Variants in RYR3 observed in about 807,000 individuals in gnomAD.
RYR3 encodes the protein ryanodine receptor 3.
RYR3 carries 207 observed loss-of-function variants against 584.3 expected under a neutral mutation model. The ratio of observed to expected loss-of-function variants is 0.35; its 90% CI spans 0.32 to 0.40. The LOEUF is 0.40. Ranked by LOEUF, RYR3 falls within the 10% of genes least tolerant of loss-of-function variation. RYR3 has a pLI of 1.00. For synonymous variants in RYR3, 2,416 were observed against 2,248.5 expected (o/e 1.07, Z -2.11); for missense variants, 5,616 against 6,089.2 (o/e 0.92, Z 2.59).
At chr15:33,637,275 T>A (rs2061547384) in intron 27 of RYR3, among the ~76,000 whole-genome samples, 1 of 152,248 alleles carries the variant, frequency 6.6e-6, no homozygotes, top group African/African-American at 2.4e-5. Context: ...AGTATCTGTT[T>A]GACCTCTCTG....
chr15:33,731,736 A>G (rs778218921), intron 48 of RYR3, 42 bp downstream of exon 48: 1 of 1,317,724 alleles, frequency 7.6e-7, no homozygotes, highest in Non-Finnish European at 1.1e-6. Context: ...GTATGCATCC[A>G]GGTCAACTGC....
At chr15:33,538,819 A>C (rs1282389256) in intron 5 of RYR3, among the ~76,000 whole-genome samples, 1 of 152,082 alleles carries the variant, frequency 6.6e-6, no homozygotes, top group African/African-American at 2.4e-5. Context: ...AAAAGCTTCC[A>C]CCTGCTTTCC....
chr15:33,862,137 G>GA (rs1397874351), intron 102 of RYR3, among the ~76,000 whole-genome samples: 8 of 151,948 alleles, frequency 5.3e-5, no homozygotes, highest in African/African-American at 1.7e-4. Flanking sequence ...TCATTTACAA[G>GA]AAAAAAAATA....
At chr15:33,486,906 G>A (rs75144003) in intron 2 of RYR3, among the ~76,000 whole-genome samples, 3,261 of 152,138 alleles carry the variant, frequency 0.021, 56 homozygotes, top group Non-Finnish European at 0.027. Flanking sequence ...GGAGAACTTT[G>A]GGATGGATGG....
intron 14 of RYR3, among the ~76,000 whole-genome samples, chr15:33,582,456 A>G (rs553411941): frequency 2.0e-5 from 3 of 152,330 alleles, no homozygotes; most frequent in Non-Finnish European, 4.4e-5. Flanking sequence ...ATCAATTGCC[A>G]CTGTATGACC....
chr15:33,413,455 A>G (rs2043555231), intron 1 of RYR3, among the ~76,000 whole-genome samples: 1 of 152,390 alleles, frequency 6.6e-6, no homozygotes, highest in South Asian at 2.1e-4. Context: ...CAGTCCAGTC[A>G]TTGCCACTGA....
intron 38 of RYR3, among the ~76,000 whole-genome samples, chr15:33,671,020 G>T (rs190457759): frequency 8.9e-4 from 135 of 152,154 alleles, no homozygotes; most frequent in Middle Eastern, 3.4e-3. Context: ...GGTTGTTTTT[G>T]GATTTGGGGT....
At chr15:33,718,051 C>G (rs144614488) in intron 43 of RYR3, among the ~76,000 whole-genome samples, 1 of 152,276 alleles carries the variant, frequency 6.6e-6, no homozygotes, top group African/African-American at 2.4e-5. Context: ...TGGCATTTAG[C>G]AAATAGAGGT....
rs188699527 is a variant in RYR3 at position 33,488,036 on chromosome 15, T to C, written c.171+14498T>C. On this transcript the variant is annotated intron_variant, in intron 2 of 103. Coordinates refer to ENST00000634891, the MANE Select transcript of RYR3 (RefSeq NM_001036.6). Reference sequence around the variant, plus strand: ...ATGTATTTGTCATTTGTTGAACCCATAGTAGAAAAGAAAAAAACATCCACC... The same window carrying C: ...ATGTATTTGTCATTTGTTGAACCCACAGTAGAAAAGAAAAAAACATCCACC... Among the ~76,000 whole-genome samples, 1,169 of 152,318 alleles carry C rather than the reference T, an allele frequency of 7.7e-3. 22 individuals carry two copies. The highest frequency in any genetic ancestry group is 0.027 in the African/African-American group (1,109 of 41,572).
At chr15:33,630,146 A>T (rs1006941235) in intron 22 of RYR3, 103 bp downstream of exon 22, 2 of 627,616 alleles carry the variant, frequency 3.2e-6, no homozygotes, top group East Asian at 5.6e-5. Context: ...AACGTGGCAC[A>T]TTCTGATAAA....
chr15:33,420,775 C>T (rs1724365317), intron 1 of RYR3, among the ~76,000 whole-genome samples: 1 of 152,026 alleles, frequency 6.6e-6, no homozygotes, highest in African/African-American at 2.4e-5. Flanking sequence ...TCTGATAAGG[C>T]CCCTTGATGA....
chr15:33,757,367 G>T (rs1370037563), intron 59 of RYR3, 108 bp from the exon 60 acceptor site: 2 of 1,231,814 alleles, frequency 1.6e-6, no homozygotes, highest in South Asian at 1.4e-5. Context: ...GAAATTACAG[G>T]ACCAGGGTTC....
rs374578994 is a variant in RYR3, at chr15:33,724,071, G to A, written c.6807G>A (p.Thr2269=). 42 of 1,598,488 alleles carry A rather than the reference G, an allele frequency of 2.6e-5. No homozygotes were observed. Among genetic ancestry groups the A allele is most frequent in the African/African-American group, 1.3e-4 (10 of 74,650 alleles). ...CCTCTGTTGGTTCTCTCAGCAGCACGGGGGACGATGAAGAGGAAGAAGAAA... is the reference window on the plus strand; with the variant it reads ...CCTCTGTTGGTTCTCTCAGCAGCACAGGGGACGATGAAGAGGAAGAAGAAA... The part of the protein sequence containing the change: ...PSQGYKREVS[T]GDDEEEEEIV... The change falls in exon 45 of 104, where the codon ACG becomes ACA. Residue 2269 remains threonine (T), a synonymous_variant. Coordinates refer to ENST00000634891, the MANE Select transcript of RYR3 (RefSeq NM_001036.6).
intron 8 of RYR3, among the ~76,000 whole-genome samples, chr15:33,545,950 T>A (rs531331687): frequency 6.6e-6 from 1 of 152,200 alleles, no homozygotes; most frequent in African/African-American, 2.4e-5. Flanking sequence ...TGAGCTCTGA[T>A]CCTTGGCTTT....
intron 11 of RYR3, among the ~76,000 whole-genome samples, chr15:33,564,256 G>A (rs184802195): frequency 2.0e-5 from 3 of 152,266 alleles, no homozygotes; most frequent in African/African-American, 4.8e-5. Flanking sequence ...TCTACATGCC[G>A]TTTCCTCTAG....
At chr15:33,661,767 A>AT (rs973718966) in intron 34 of RYR3, among the ~76,000 whole-genome samples, 4 of 152,208 alleles carry the variant, frequency 2.6e-5, no homozygotes, top group African/African-American at 9.7e-5. Flanking sequence ...AGAAAGCATA[A>AT]TCTACATTTT....
intron 1 of RYR3, among the ~76,000 whole-genome samples, chr15:33,359,592 C>T (rs1427254528): frequency 7.0e-6 from 1 of 142,982 alleles, no homozygotes; most frequent in Non-Finnish European, 1.6e-5. Context: ...TTCCCTGACC[C>T]CTTATTTATT....
chr15:33,517,028 A>G (rs963925978), intron 3 of RYR3, among the ~76,000 whole-genome samples: 9 of 152,078 alleles, frequency 5.9e-5, no homozygotes, highest in Admixed American at 1.3e-4. Flanking sequence ...GTCTCACTCT[A>G]TTGCCCAGGC....
chr15:33,538,929 G>A (rs1229359877), intron 5 of RYR3, among the ~76,000 whole-genome samples: 3 of 151,978 alleles, frequency 2.0e-5, no homozygotes, highest in African/African-American at 7.2e-5. Context: ...CCTTAGGACA[G>A]GGGGAGACAA....
Sources: allele counts gnomAD v4.1 joint callset (sites outside exome capture counted in the v4.1 genomes callset), GRCh38; gene constraint gnomAD v4.1.1; transcripts MANE v1.5; gene names NCBI Gene and HGNC (gene_info 2026-07-23, HGNC 2026-07-21).